Variants in TAS2R1 observed in about 807,000 individuals in gnomAD.
The protein encoded by TAS2R1 is taste receptor type 2 member 1.
For synonymous variants in TAS2R1, 141 were observed against 134.2 expected (o/e 1.05, Z -0.35); for missense variants, 370 against 353.4 (o/e 1.05, Z -0.38).
rs972625775 is a variant in TAS2R1, at chr5:9,627,474, A to G, written c.*1659T>C. 2.0e-5 allele frequency among the ~76,000 whole-genome samples: 3 copies of G among 152,240 alleles called. No individual in the cohort carries two copies. The highest frequency in any genetic ancestry group is 4.4e-5 in the Non-Finnish European group (3 of 68,036). On this transcript the variant is annotated 3_prime_UTR_variant, in exon 1 of 1. Transcript: ENST00000382492. ...TATTAAAGCAGGAGTTGCATGAAATAGAATCAGAATTTAGTATCAGAAAAA... is the reference window on the plus strand; with the variant it reads ...TATTAAAGCAGGAGTTGCATGAAATGGAATCAGAATTTAGTATCAGAAAAA...
At position 9,639,542 on chromosome 5, in the gene TAS2R1, G is replaced by A. The variant is rs181041223; in HGVS notation, c.-80-9550C>T. On this transcript the variant is annotated intron_variant, in intron 2 of 2. Transcript: ENST00000506620. ...TGAATTATTTTGGTTTTCCTGGCAT[G>A]TTCCTGCAGTGGTTCTTGGAGCAAA... 5.3e-5 allele frequency among the ~76,000 whole-genome samples: 8 copies of A among 152,146 alleles called. No homozygotes were observed. The East Asian group carries it at 1.5e-3, about 29-fold the overall frequency.
the TAS2R1 span, among the ~76,000 whole-genome samples, chr5:9,755,490 G>A: frequency 1.1e-4 from 16 of 151,966 alleles, no homozygotes; most frequent in East Asian, 2.7e-3. Context: ...GGGAGGCTGA[G>A]GCGGGAGAAT....
the TAS2R1 span, among the ~76,000 whole-genome samples, chr5:9,873,076 C>CAT: frequency 2.0e-5 from 3 of 152,204 alleles, no homozygotes; most frequent in Non-Finnish European, 4.4e-5. Flanking sequence ...TTTCCTTTTA[C>CAT]ATATGAGGAA....
the TAS2R1 span, among the ~76,000 whole-genome samples, chr5:9,732,330 G>A: frequency 1.3e-5 from 2 of 152,168 alleles, no homozygotes; most frequent in East Asian, 1.9e-4. Context: ...GATGTGCAGC[G>A]ACCAGCAGAA....
At chr5:9,796,860 T>A in the TAS2R1 span, among the ~76,000 whole-genome samples, 2 of 152,058 alleles carry the variant, frequency 1.3e-5, no homozygotes, top group South Asian at 4.2e-4. Context: ...TAAAAAGCCC[T>A]ACTTCAAACT....
chr5:9,664,145 G>A (rs769497468), intron 1 of TAS2R1, among the ~76,000 whole-genome samples: 5 of 152,080 alleles, frequency 3.3e-5, no homozygotes, highest in Admixed American at 1.3e-4. Flanking sequence ...CTCCCTCATC[G>A]CCCCAGGCTG....
the TAS2R1 span, among the ~76,000 whole-genome samples, chr5:9,751,508 G>A: frequency 2.5e-4 from 38 of 152,180 alleles, no homozygotes; most frequent in African/African-American, 8.4e-4. Context: ...CCTAATTTTT[G>A]AAAATGTCAT....
intron 2 of TAS2R1, among the ~76,000 whole-genome samples, chr5:9,638,460 G>A (rs999725549): frequency 1.3e-5 from 2 of 152,216 alleles, no homozygotes; most frequent in South Asian, 4.1e-4. Flanking sequence ...TGCTTAGCCA[G>A]GATATTGCAG....
At chr5:9,828,401 C>T in the TAS2R1 span, among the ~76,000 whole-genome samples, 543 of 152,306 alleles carry the variant, frequency 3.6e-3, 3 homozygotes, top group South Asian at 0.012. Flanking sequence ...GCTGGGATTA[C>T]AGACATGAGT....
the TAS2R1 span, among the ~76,000 whole-genome samples, chr5:9,885,459 T>C: frequency 6.6e-6 from 1 of 152,204 alleles, no homozygotes; most frequent in Non-Finnish European, 1.5e-5. Context: ...GAATCCAATC[T>C]CTAGCTATAA....
the TAS2R1 span, among the ~76,000 whole-genome samples, chr5:9,868,324 A>G: frequency 6.6e-6 from 1 of 152,276 alleles, no homozygotes; most frequent in East Asian, 1.9e-4. Flanking sequence ...ATTTCCATAC[A>G]TCCTCTGAAA....
At chr5:9,704,223 A>G (rs1016875513) in intron 1 of TAS2R1, among the ~76,000 whole-genome samples, 2 of 152,074 alleles carry the variant, frequency 1.3e-5, no homozygotes, top group African/African-American at 4.8e-5. Context: ...AGAGTACCTT[A>G]ATTTTTGTTT....
the TAS2R1 span, among the ~76,000 whole-genome samples, chr5:9,820,679 G>A: frequency 1.6e-4 from 24 of 152,254 alleles, no homozygotes; most frequent in African/African-American, 5.3e-4. Flanking sequence ...GCAGCACAAA[G>A]AGCTTGATTT....
At chr5:9,802,313 C>G in the TAS2R1 span, among the ~76,000 whole-genome samples, 1 of 152,052 alleles carries the variant, frequency 6.6e-6, no homozygotes, top group Non-Finnish European at 1.5e-5. Context: ...GTGGCTAGAC[C>G]CAGAAAAGCA....
the TAS2R1 span, among the ~76,000 whole-genome samples, chr5:9,806,137 C>T: frequency 6.6e-6 from 1 of 151,972 alleles, no homozygotes; most frequent in East Asian, 1.9e-4. Context: ...AGAACTCAAT[C>T]CCTTTTACAA....
At chr5:9,902,945 T>C in the TAS2R1 span, among the ~76,000 whole-genome samples, 5 of 152,052 alleles carry the variant, frequency 3.3e-5, no homozygotes, top group East Asian at 7.7e-4. Context: ...ATAATTCTTT[T>C]TTAAAAAAAA....
chr5:9,747,883 C>A, the TAS2R1 span, among the ~76,000 whole-genome samples: 1 of 150,706 alleles, frequency 6.6e-6, no homozygotes, highest in East Asian at 1.9e-4. Context: ...GTTGAAAATT[C>A]AGGTCAGCAT....
chr5:9,703,898 C>A (rs1294470380), intron 1 of TAS2R1, among the ~76,000 whole-genome samples: 1 of 152,176 alleles, frequency 6.6e-6, no homozygotes, highest in African/African-American at 2.4e-5. Context: ...TCATAGAACA[C>A]CTAATATCCT....
chr5:9,664,930 C>T (rs1430127761), intron 1 of TAS2R1, among the ~76,000 whole-genome samples: 1 of 152,208 alleles, frequency 6.6e-6, no homozygotes, highest in Non-Finnish European at 1.5e-5. Context: ...TGTTCAGGAA[C>T]TTGTCTAAAG....
Sources: gnomAD v4.1 joint callset for allele counts (sites outside exome capture counted in the v4.1 genomes callset) on GRCh38, gnomAD v4.1.1 for gene constraint, MANE v1.5 for transcripts, NCBI Gene and HGNC (gene_info 2026-07-23, HGNC 2026-07-21) for gene names.